MRPL28: variants seen among roughly 807,000 people sequenced by gnomAD.
MRPL28 encodes the protein large ribosomal subunit protein bL28m.
Under a neutral mutation model 26.2 loss-of-function variants are expected in MRPL28, and 25 were observed. The observed-to-expected ratio is 0.95, with a 90% CI of 0.69 to 1.33. MRPL28 has a LOEUF of 1.33. Among genes scored for constraint, MRPL28 ranks in the 40% most tolerant of loss-of-function variants. The probability of loss-of-function intolerance (pLI) is 0.00; values close to 1 mark genes in which losing one functional copy is unlikely to be tolerated. For synonymous variants in MRPL28, 227 were observed against 140.1 expected (o/e 1.62, Z -4.38); for missense variants, 432 against 327.2 (o/e 1.32, Z -2.47).
chr16:368,328 C>G lies in MRPL28; in HGVS notation c.663G>C (p.Lys221Asn), dbSNP rs1376044372. 6.2e-7 allele frequency: 1 copy of G among 1,613,314 alleles called. No homozygotes were observed. The highest frequency in any genetic ancestry group is 1.3e-5 in the African/African-American group (1 of 74,922). ...AIEKQRLLEE[K>N]DPVPLFKIYV... ...CATCGGCTGGTGCTCACACACTCAC[C>G]TTCTCCTCCAAAAGTCTCTGCTTCT... Residue 221 changes from lysine (K) to asparagine (N), a missense_variant and splice_region_variant, in exon 5 of 6, where the codon AAG (lysine) becomes AAC (asparagine). Lys to Asn is a moderately conservative substitution (Grantham distance 94). Transcript: ENST00000199706.
At chr16:369,415 CCAGAAGT>C in intron 2 of MRPL28, 195 bp from the exon 3 acceptor site, 1 of 667,414 alleles carries the variant, frequency 1.5e-6, no homozygotes, top group Non-Finnish European at 2.6e-6. Flanking sequence ...GACTGTGTAC[CCAGAAGT>C]CAGCTGCTCC....
chr16:369,035 C>A (rs374403462), intron 3 of MRPL28, 33 bp downstream of exon 3: 2 of 1,606,338 alleles, frequency 1.2e-6, no homozygotes, highest in African/African-American at 2.7e-5. Flanking sequence ...CATCCCAGAC[C>A]CTGTGTGCAC....
chr16:369,954 GGCCCAGGATCCA>G lies in MRPL28; in HGVS notation c.253_264del (p.Trp85_Gly88del). The G allele has an allele frequency of 1.2e-6, 2 of 1,611,492 alleles. No individual in the cohort carries two copies. The highest frequency in any genetic ancestry group is 1.7e-6 in the Non-Finnish European group (2 of 1,179,718). ...ACCTTGTCGTTGTTGGCATATATTTGGCCCAGGATCCAGCCCTCGCCGCCCCACAACCCCCGC... is the reference window on the plus strand; with the variant it reads ...ACCTTGTCGTTGTTGGCATATATTTGGCCCTCGCCGCCCCACAACCCCCGC... On this transcript the variant is annotated inframe_deletion, in exon 2 of 6. Coordinates refer to ENST00000199706, the MANE Select transcript of MRPL28 (RefSeq NM_006428.5).
chr16:370,351 C>T (rs2054315183), intron 1 of MRPL28, 126 bp from the exon 2 acceptor site: 1 of 1,346,860 alleles, frequency 7.4e-7, no homozygotes, highest in Non-Finnish European at 9.7e-7. Flanking sequence ...ACCCCGGCCC[C>T]CGGCTCTCAC....
chr16:370,446 G>A (rs1397619444), intron 1 of MRPL28, 53 bp downstream of exon 1: 1 of 876,214 alleles, frequency 1.1e-6, no homozygotes, highest in Admixed American at 2.1e-4. Flanking sequence ...GCACCCACCT[G>A]CCCCTCCCCT....
At position 367,033 on chromosome 16, in the gene MRPL28, C is replaced by T. The variant is rs1011841659; in HGVS notation, c.*642G>A. Among the ~76,000 whole-genome samples, 3 of 152,088 alleles carry T rather than the reference C, an allele frequency of 2.0e-5. No homozygotes were observed. The highest frequency in any genetic ancestry group is 7.2e-5 in the African/African-American group (3 of 41,402). On this transcript the variant is annotated 3_prime_UTR_variant, in exon 6 of 6. Transcript: ENST00000199706. ...GCCCAGCCTGGCCAACATGGTGAAA[C>T]CCCTTCTCTACTAAAATACAATTAG...
In MRPL28 at chr16:367,260, G is replaced by A; in HGVS notation, c.*415C>T. The A allele has an allele frequency of 1.7e-6, 1 of 573,334 alleles. No individual in the cohort carries two copies. The highest frequency in any genetic ancestry group is 3.2e-6 in the Non-Finnish European group (1 of 312,386). The allele number at this position is 573,334 out of a possible 1,614,324, so 35.5% of individuals were successfully genotyped here. On this transcript the variant is annotated 3_prime_UTR_variant, in exon 6 of 6. Transcript: ENST00000199706. ...ACAGAATTGAACCTCGCTCTCTGCA[G>A]CTCACCGGGGGACGGGCACAGCCAG...
chr16:369,506 T>G, intron 2 of MRPL28: 1 of 629,110 alleles, frequency 1.6e-6, no homozygotes, highest in Non-Finnish European at 2.9e-6. Flanking sequence ...GACCCCACAG[T>G]TTACAGGTTG....
In MRPL28 at chr16:367,274, G is replaced by A. The variant is rs1053233027; in HGVS notation, c.*401C>T. ...CGCTCTCTGCAGCTCACCGGGGGAC[G>A]GGCACAGCCAGAGTCAATGCCCACG... On this transcript the variant is annotated 3_prime_UTR_variant, in exon 6 of 6. Transcript: ENST00000199706. 2.8e-5 allele frequency: 16 copies of A among 571,066 alleles called. No individual in the cohort carries two copies. Among genetic ancestry groups the A allele is most frequent in the South Asian group, 4.9e-5 (2 of 40,974 alleles). The allele number at this position is 571,066 out of a possible 1,614,324, so 35.4% of individuals were successfully genotyped here.
In MRPL28 at chr16:367,524, C is replaced by G; in HGVS notation, c.*151G>C. ...CTGGGGATCCCTGCCAAGCTGGCCCCGGGCTGGAAGGTGCATGGGCAGCAC... is the reference window on the plus strand; with the variant it reads ...CTGGGGATCCCTGCCAAGCTGGCCCGGGGCTGGAAGGTGCATGGGCAGCAC... On this transcript the variant is annotated 3_prime_UTR_variant, in exon 6 of 6. Transcript: ENST00000199706. The G allele has an allele frequency of 1.3e-6, 1 of 772,380 alleles. No individual in the cohort carries two copies. The highest frequency in any genetic ancestry group is 1.5e-5 in the South Asian group (1 of 67,560). 47.8% of individuals were successfully genotyped at this position (772,380 alleles called of 1,614,324 possible). A position where few individuals can be genotyped will look rare whatever the true frequency, so the allele number is the denominator to read the frequency against.
chr16:369,864 G>T, intron 2 of MRPL28, 67 bp downstream of exon 2: 1 of 1,542,722 alleles, frequency 6.5e-7, no homozygotes, highest in South Asian at 1.2e-5. Context: ...GGTACCCCGG[G>T]CGTCCGGCAC....
rs1567318716 is a variant in MRPL28 at position 368,591 on chromosome 16, CT to C, written c.485del (p.Lys162SerfsTer73). ...DLCSKFGMDLKRGMLLRLARQ... is the reference protein window; with the variant it reads ...DLCSKFGMDLXRGMLLRLARQ... The stretch of plus-strand genomic sequence containing the variant: ...GGGCAAGCCGCAGCAGCATCCCTCG[CT>C]TCAGGTCCATCCCAAACTTGGAGCA... On this transcript the variant is annotated frameshift_variant, in exon 4 of 6. Coordinates refer to ENST00000199706, the MANE Select transcript of MRPL28 (RefSeq NM_006428.5). LOFTEE classifies it high-confidence loss of function. 1.9e-6 allele frequency: 3 copies of C among 1,594,420 alleles called. No homozygotes were observed. In the South Asian group the frequency reaches 3.4e-5, roughly 18 times the overall value.
chr16:367,571 T>G lies in MRPL28; in HGVS notation c.*104A>C. ...GCACACGAAACCAGGATCCACCCAC[T>G]GCCCACCGGTGGCCCTCACAGCTCC... On this transcript the variant is annotated 3_prime_UTR_variant, in exon 6 of 6. Coordinates refer to ENST00000199706, the MANE Select transcript of MRPL28 (RefSeq NM_006428.5). 1 of 1,016,818 alleles carries G rather than the reference T, an allele frequency of 9.8e-7. No individual in the cohort carries two copies. Among genetic ancestry groups the G allele is most frequent in the East Asian group, 2.6e-5 (1 of 38,986 alleles). 63.0% of individuals were successfully genotyped at this position (1,016,818 alleles called of 1,614,324 possible).
chr16:368,925 G>C, intron 3 of MRPL28, 143 bp downstream of exon 3: 1 of 1,152,212 alleles, frequency 8.7e-7, no homozygotes, highest in Non-Finnish European at 1.2e-6. Context: ...GGCCAGAAAG[G>C]GGCATGGCCC....
chr16:370,165 C>G lies in MRPL28; in HGVS notation c.54G>C (p.Glu18Asp). Residue 18 changes from glutamate (E) to aspartate (D), a missense_variant, in exon 2 of 6, where the codon GAG becomes GAC. By Grantham distance (45) the Glu-to-Asp change is conservative. Transcript: ENST00000199706. ...GGCCGGGCAGGCGGGAACAGATGCC[C>G]TCCCGCAGCTGCAGCCGCTTCCAGA... ...VWLWKRLQLREGICSRLPGHY... is the reference protein window; with the variant it reads ...VWLWKRLQLRDGICSRLPGHY... 6.2e-7 allele frequency: 1 copy of G among 1,600,170 alleles called. No homozygotes were observed. The highest frequency in any genetic ancestry group is 1.3e-5 in the African/African-American group (1 of 74,698).
intron 2 of MRPL28, 179 bp from the exon 3 acceptor site, chr16:369,399 G>C (rs760120140): frequency 1.4e-6 from 1 of 730,020 alleles, no homozygotes; most frequent in African/African-American, 1.8e-5. Context: ...GCCCGACCCG[G>C]GTCCTGACTG....
At chr16:370,306 T>C in intron 1 of MRPL28, 81 bp from the exon 2 acceptor site, 1 of 1,284,834 alleles carries the variant, frequency 7.8e-7, no homozygotes, top group Non-Finnish European at 1.0e-6. Context: ...CCCCCGACTC[T>C]CACCCGCTAC....
At position 367,778 on chromosome 16, in the gene MRPL28, G is replaced by C; in HGVS notation, c.668C>G (p.Pro223Arg). ...EKQRLLEEKD[P>R]VPLFKIYVAE... The stretch of plus-strand genomic sequence containing the variant: ...CACATAGATCTTGAACAGGGGTACA[G>C]GGTCCTGAAGGAGAGAGGGGCTCAT... The change falls in exon 6 of 6, where the codon CCT (proline) becomes CGT (arginine). Residue 223 changes from proline (P) to arginine (R), a missense_variant. Transcript: ENST00000199706. 1 of 1,613,390 alleles carries C rather than the reference G, an allele frequency of 6.2e-7. No homozygotes were observed. Among genetic ancestry groups the C allele is most frequent in the Non-Finnish European group, 8.5e-7 (1 of 1,179,712 alleles).
chr16:368,482 G>A lies in MRPL28; in HGVS notation c.576+19C>T. On this transcript the variant is annotated intron_variant, in intron 4 of 5. Coordinates refer to ENST00000199706, the MANE Select transcript of MRPL28 (RefSeq NM_006428.5). ...GGCCACGAGTCCCCAGGTGTAGGGA[G>A]CGGGACGGAAACCCTCACCTTGTAC... 2 of 1,610,444 alleles carry A rather than the reference G, an allele frequency of 1.2e-6. No homozygotes were observed. Among genetic ancestry groups the A allele is most frequent in the African/African-American group, 1.3e-5 (1 of 75,002 alleles).
Sources: allele counts gnomAD v4.1 joint callset (sites outside exome capture counted in the v4.1 genomes callset), GRCh38; gene constraint gnomAD v4.1.1; transcripts MANE v1.5; gene names NCBI Gene and HGNC (gene_info 2026-07-23, HGNC 2026-07-21).